CTNNA3: variants seen among roughly 807,000 people sequenced by gnomAD.
CTNNA3 encodes the protein catenin alpha 3.
A neutral mutation model predicts 95.7 loss-of-function variants in CTNNA3; 76 were observed. The observed-to-expected ratio is 0.79, with a 90% confidence interval of 0.66 to 0.96. CTNNA3 has a LOEUF of 0.96. Ranked by LOEUF, CTNNA3 falls within the 40% of genes least tolerant of loss-of-function variation. CTNNA3 has a pLI of 0.00. For synonymous variants in CTNNA3, 431 were observed against 374.4 expected, an observed-to-expected ratio of 1.15 and a Z score of -1.74; for missense variants, 1,191 against 1,089.8, an observed-to-expected ratio of 1.09 and a Z score of -1.31.
chr10:66,398,851 T>C (rs1317947453), intron 11 of CTNNA3, among the ~76,000 whole-genome samples: 1 of 152,006 alleles, frequency 6.6e-6, no homozygotes, highest in Non-Finnish European at 1.5e-5. Flanking sequence ...TCAAACCATC[T>C]TGCACAAATT....
chr10:67,002,806 T>C lies in CTNNA3; in HGVS notation c.1047+177511A>G, dbSNP rs569927093. On this transcript the variant is annotated intron_variant, in intron 7 of 17. Transcript: ENST00000433211. ...GGGTTAAATAAACACAATTAGGTTT[T>C]ATTTAGCATGTATTTGATTATGAAT... is the stretch of plus-strand genomic sequence containing the variant. Among the ~76,000 whole-genome samples, 45 of 152,292 alleles carry C rather than the reference T, an allele frequency of 3.0e-4. No homozygotes were observed. In the South Asian group the frequency reaches 7.7e-3, roughly 26 times the overall value.
intron 10 of CTNNA3, among the ~76,000 whole-genome samples, chr10:66,532,025 T>A (rs1260656110): frequency 1.3e-5 from 2 of 152,184 alleles, no homozygotes; most frequent in African/African-American, 4.8e-5. Flanking sequence ...ATCTCCTTTT[T>A]TTAAAGGACT....
At chr10:66,843,074 T>C (rs12764476) in intron 7 of CTNNA3, among the ~76,000 whole-genome samples, 54,461 of 151,962 alleles carry the variant, frequency 0.36, 10,735 homozygotes, top group Non-Finnish European at 0.46. Flanking sequence ...AGACAGAGGT[T>C]GGAAAATCAA....
chr10:67,422,310 C>T (rs1053076038), intron 5 of CTNNA3, among the ~76,000 whole-genome samples: 6 of 151,832 alleles, frequency 4.0e-5, no homozygotes, highest in African/African-American at 9.7e-5. Flanking sequence ...TATACAATAA[C>T]GTATGTAAGG....
chr10:66,272,457 C>A lies in CTNNA3; in HGVS notation c.1884+8013G>T, dbSNP rs73317857. Among the ~76,000 whole-genome samples, 1,112 of 152,114 alleles carry A rather than the reference C, an allele frequency of 7.3e-3. 18 individuals are homozygous for A. The highest frequency in any genetic ancestry group is 0.025 in the African/African-American group (1,049 of 41,484). On this transcript the variant is annotated intron_variant, in intron 13 of 17. Transcript: ENST00000433211. ...AGGGGAGAAGCGCACATTTGATAGC[C>A]GTTAGGACTATGGAGAGAAAGTGTT...
intron 5 of CTNNA3, among the ~76,000 whole-genome samples, chr10:67,438,975 G>T (rs1343809378): frequency 1.3e-5 from 2 of 152,150 alleles, no homozygotes; most frequent in African/African-American, 4.8e-5. Flanking sequence ...AAGCTTTAAA[G>T]GCAGTCTATG....
intron 7 of CTNNA3, among the ~76,000 whole-genome samples, chr10:66,884,071 C>T (rs1335631669): frequency 1.3e-5 from 2 of 151,998 alleles, no homozygotes; most frequent in African/African-American, 2.4e-5. Flanking sequence ...AAAGAGGAAG[C>T]ATGAGAGAGG....
chr10:67,700,522 G>C (rs1017383530), upstream of CTNNA3, among the ~76,000 whole-genome samples: 2 of 152,212 alleles, frequency 1.3e-5, no homozygotes, highest in Non-Finnish European at 2.9e-5. Flanking sequence ...ACAGGGTCTG[G>C]AGTGGACCTC....
rs368450545 is a variant in CTNNA3, at chr10:66,775,428, C to G, written c.1128+16G>C. On this transcript the variant is annotated intron_variant, in intron 8 of 17. Coordinates refer to ENST00000433211, the MANE Select transcript of CTNNA3 (RefSeq NM_013266.4). Reference sequence around the variant, plus strand: ...AGCCCCTATGTTTCTGACTCCATATCTCTCTCTTCCCTCACCTGTCTGCGA... The same window carrying G: ...AGCCCCTATGTTTCTGACTCCATATGTCTCTCTTCCCTCACCTGTCTGCGA... 13 of 1,562,986 alleles carry G rather than the reference C, an allele frequency of 8.3e-6. No individual in the cohort carries two copies. The highest frequency in any genetic ancestry group is 3.4e-4 in the Middle Eastern group (2 of 5,932).
chr10:65,991,974 A>G (rs2078556281), intron 15 of CTNNA3, among the ~76,000 whole-genome samples: 1 of 152,036 alleles, frequency 6.6e-6, no homozygotes, highest in Non-Finnish European at 1.5e-5. Context: ...CTTGAATTTT[A>G]TCAGATGCTT....
rs2093271891 is a variant in CTNNA3 at position 66,429,100 on chromosome 10, C to T, written c.1532-49748G>A. On this transcript the variant is annotated intron_variant, in intron 11 of 17. Coordinates refer to ENST00000433211, the MANE Select transcript of CTNNA3 (RefSeq NM_013266.4). ...ACCACCGATCCCACAGAAATACAAA[C>T]TACCGTCAGAGAATACTGTAAACAC... 2.0e-5 allele frequency among the ~76,000 whole-genome samples: 3 copies of T among 152,246 alleles called. No individual in the cohort carries two copies. The South Asian group carries it at 6.2e-4, about 32-fold the overall frequency.
At chr10:67,359,768 G>A (rs778020013) in intron 5 of CTNNA3, among the ~76,000 whole-genome samples, 2 of 152,038 alleles carry the variant, frequency 1.3e-5, no homozygotes, top group Non-Finnish European at 2.9e-5. Flanking sequence ...AAGAAACTTT[G>A]AAACATATTT....
chr10:66,946,574 G>T (rs1019782204), intron 7 of CTNNA3, among the ~76,000 whole-genome samples: 1 of 152,040 alleles, frequency 6.6e-6, no homozygotes, highest in Non-Finnish European at 1.5e-5. Flanking sequence ...AACCACTACT[G>T]TTACCTGTAA....
At chr10:66,901,070 T>C (rs1400053419) in intron 7 of CTNNA3, among the ~76,000 whole-genome samples, 1 of 152,108 alleles carries the variant, frequency 6.6e-6, no homozygotes, top group Non-Finnish European at 1.5e-5. Context: ...GCAAGACACA[T>C]ACTTGTCAGA....
chr10:66,433,641 A>G (rs1306768087), intron 11 of CTNNA3, among the ~76,000 whole-genome samples: 1 of 152,128 alleles, frequency 6.6e-6, no homozygotes, highest in Non-Finnish European at 1.5e-5. Context: ...GAAGCTCTTT[A>G]GTTTAATTAG....
chr10:66,933,966 G>A (rs896259996), intron 7 of CTNNA3, among the ~76,000 whole-genome samples: 3 of 152,026 alleles, frequency 2.0e-5, no homozygotes, highest in African/African-American at 2.4e-5. Flanking sequence ...TTTTCAGGTG[G>A]GGAAGCAGTT....
chr10:67,618,434 T>G (rs1843726439), intron 2 of CTNNA3, among the ~76,000 whole-genome samples: 1 of 152,226 alleles, frequency 6.6e-6, no homozygotes, highest in Non-Finnish European at 1.5e-5. Context: ...TTGAATAAAC[T>G]ATGCCAATAT....
At chr10:67,096,079 G>A (rs1457925227) in intron 7 of CTNNA3, among the ~76,000 whole-genome samples, 1 of 151,708 alleles carries the variant, frequency 6.6e-6, no homozygotes, top group African/African-American at 2.4e-5. Context: ...AATAGGAAGA[G>A]TTACTCTGGA....
chr10:66,195,962 C>T (rs1024250370), intron 13 of CTNNA3, among the ~76,000 whole-genome samples: 1 of 152,110 alleles, frequency 6.6e-6, no homozygotes, highest in East Asian at 1.9e-4. Context: ...CTTAGCTACA[C>T]ACACATACAC....
Sources: gnomAD v4.1 joint callset for allele counts (sites outside exome capture counted in the v4.1 genomes callset) on GRCh38, gnomAD v4.1.1 for gene constraint, MANE v1.5 for transcripts, NCBI Gene and HGNC (gene_info 2026-07-23, HGNC 2026-07-21) for gene names.